Variants in RAB11FIP4 observed in about 807,000 individuals in gnomAD.
RAB11FIP4 encodes the protein rab11 family-interacting protein 4.
Under a neutral mutation model 74.3 loss-of-function variants are expected in RAB11FIP4, and 23 were observed. The observed-to-expected ratio is 0.31, with a 90% CI of 0.22 to 0.44. The LOEUF (loss-of-function observed/expected upper bound fraction) is 0.44, where lower values mean the gene tolerates loss of function less well. Among genes scored for constraint, RAB11FIP4 ranks in the 20% least tolerant of loss-of-function variants. The pLI, the probability that RAB11FIP4 is intolerant of heterozygous loss-of-function variation, is 1.00. For missense variants in RAB11FIP4, 630 were observed against 863.9 expected (o/e 0.73, Z 3.39); for synonymous variants, 360 against 359.9 (o/e 1.00, Z 0.00).
At chr17:31,432,414 A>G (rs929350857) in intron 2 of RAB11FIP4, among the ~76,000 whole-genome samples, 8 of 149,176 alleles carry the variant, frequency 5.4e-5, no homozygotes, top group Admixed American at 4.7e-4. Context: ...ACTGGAGTGC[A>G]GTGCCACTAT....
Position 31,521,941 on chromosome 17 carries a change from G to A in RAB11FIP4, c.785G>A (p.Arg262Gln), listed in dbSNP as rs752964517. ...SSAGQTPRKM[R>Q]HVYNSELLDV... is the part of the protein sequence containing the mutation. ...GCGGGGCAGACGCCTAGGAAAATGC[G>A]GCACGTGTACAACAGCGAATTGCTA... Residue 262 changes from arginine to glutamine, a missense_variant, in exon 6 of 15, where the codon CGG (arginine) becomes CAG (glutamine). Transcript: ENST00000621161. 3.7e-5 allele frequency: 60 copies of A among 1,614,056 alleles called. 1 individual carries two copies. In the Admixed American group the frequency reaches 6.3e-4, roughly 17 times the overall value.
chr17:31,472,436 C>T (rs1410024302), intron 3 of RAB11FIP4, among the ~76,000 whole-genome samples: 1 of 152,210 alleles, frequency 6.6e-6, no homozygotes, highest in Non-Finnish European at 1.5e-5. Context: ...CATTCAGAGA[C>T]ACGGCCACAG....
In RAB11FIP4 at chr17:31,521,918, G is replaced by A. The variant is rs374177001; in HGVS notation, c.762G>A (p.Ala254=). ...SDLGSSVSSS[A]GQTPRKMRHV... The stretch of plus-strand genomic sequence containing the variant: ...ATTCCTTTCCCTCATGAATCAGTGC[G>A]GGGCAGACGCCTAGGAAAATGCGGC... Residue 254 remains alanine, a synonymous_variant, in exon 6 of 15, where the codon GCG becomes GCA. Coordinates refer to ENST00000621161, the MANE Select transcript of RAB11FIP4 (RefSeq NM_032932.6). The A allele has an allele frequency of 8.5e-5, 138 of 1,614,156 alleles. No homozygotes were observed. Among genetic ancestry groups the A allele is most frequent in the Middle Eastern group, 4.9e-4 (3 of 6,062 alleles).
At chr17:31,439,587 A>G (rs1447683366) in intron 3 of RAB11FIP4, among the ~76,000 whole-genome samples, 5 of 152,108 alleles carry the variant, frequency 3.3e-5, no homozygotes, top group African/African-American at 1.2e-4. Flanking sequence ...TTATTGATTT[A>G]TAAGAAATCT....
chr17:31,443,280 T>G (rs1050880011), intron 3 of RAB11FIP4, among the ~76,000 whole-genome samples: 2 of 152,238 alleles, frequency 1.3e-5, no homozygotes, highest in African/African-American at 4.8e-5. Flanking sequence ...TATAACTTTT[T>G]GACATACATT....
chr17:31,449,855 G>A (rs1597923629), intron 3 of RAB11FIP4, among the ~76,000 whole-genome samples: 1 of 152,178 alleles, frequency 6.6e-6, no homozygotes, highest in Admixed American at 6.5e-5. Context: ...GCAGGCATGA[G>A]CCACCTTGCC....
chr17:31,392,277 A>G (rs112959721), intron 1 of RAB11FIP4: 7,184 of 301,544 alleles, frequency 0.024, 547 homozygotes, highest in African/African-American at 0.14. Context: ...TTCCTCGGCC[A>G]TGCAGGTCCT....
chr17:31,523,315 G>A, intron 7 of RAB11FIP4, 197 bp from the exon 8 acceptor site: 1 of 628,604 alleles, frequency 1.6e-6, no homozygotes, highest in Non-Finnish European at 2.9e-6. Flanking sequence ...CCGGGGGTCT[G>A]TACAGCCCAT....
intron 3 of RAB11FIP4, among the ~76,000 whole-genome samples, chr17:31,441,601 C>T (rs1178590348): frequency 6.6e-6 from 1 of 151,248 alleles, no homozygotes; most frequent in African/African-American, 2.4e-5. Flanking sequence ...GATCTCGGCT[C>T]ACTGCAATCT....
intron 1 of RAB11FIP4, among the ~76,000 whole-genome samples, chr17:31,403,422 C>G (rs1368134069): frequency 6.6e-6 from 1 of 151,586 alleles, no homozygotes; most frequent in Non-Finnish European, 1.5e-5. Flanking sequence ...TCCCAGGTTC[C>G]AGCAATTCTC....
At chr17:31,499,898 G>T (rs936717102) in intron 3 of RAB11FIP4, among the ~76,000 whole-genome samples, 2 of 152,154 alleles carry the variant, frequency 1.3e-5, no homozygotes, top group Admixed American at 6.5e-5. Flanking sequence ...CTTTGAGCTG[G>T]CATGCCTGGA....
intron 3 of RAB11FIP4, among the ~76,000 whole-genome samples, chr17:31,445,810 T>C (rs6505245): frequency 1 from 149,985 of 150,180 alleles, 74,897 homozygotes; most frequent in Middle Eastern, 1. Flanking sequence ...AGGCTGGTCT[T>C]GAACTCCTGA....
intron 3 of RAB11FIP4, among the ~76,000 whole-genome samples, chr17:31,510,380 C>T (rs2072430111): frequency 6.6e-6 from 1 of 152,254 alleles, no homozygotes. Flanking sequence ...TGCACACCTT[C>T]CCAGCGGCAG....
chr17:31,488,147 G>T, intron 3 of RAB11FIP4: 2 of 1,053,242 alleles, frequency 1.9e-6, no homozygotes, highest in Non-Finnish European at 2.3e-6. Flanking sequence ...GCGCGGCCGC[G>T]ATTGTTCCTG....
intron 1 of RAB11FIP4, among the ~76,000 whole-genome samples, chr17:31,429,866 T>G (rs1390796922): frequency 6.6e-6 from 1 of 150,432 alleles, no homozygotes; most frequent in Non-Finnish European, 1.5e-5. Flanking sequence ...CTTCCTCCAC[T>G]TGCCTCCTGG....
At position 31,486,646 on chromosome 17, in the gene RAB11FIP4, C is replaced by G. The variant is rs183960639; in HGVS notation, c.337-31005C>G. On this transcript the variant is annotated intron_variant, in intron 3 of 14. Coordinates refer to ENST00000621161, the MANE Select transcript of RAB11FIP4 (RefSeq NM_032932.6). Reference sequence around the variant, plus strand: ...TAGAGACTGTGGGAGCGGACCCAAACAAGAGAAACAGTCTGGCCTCTGCAC... The same window carrying G: ...TAGAGACTGTGGGAGCGGACCCAAAGAAGAGAAACAGTCTGGCCTCTGCAC... Among the ~76,000 whole-genome samples the G allele has an allele frequency of 1.2e-3, 183 of 152,306 alleles. 1 individual carries two copies. In the Middle Eastern group the frequency reaches 0.017, roughly 14 times the overall value.
At chr17:31,433,103 G>A (rs1361807794) in intron 2 of RAB11FIP4, among the ~76,000 whole-genome samples, 5 of 152,136 alleles carry the variant, frequency 3.3e-5, no homozygotes, top group Non-Finnish European at 7.4e-5. Flanking sequence ...CTGAGGTCAC[G>A]CCACTGCACT....
intron 3 of RAB11FIP4, among the ~76,000 whole-genome samples, chr17:31,442,068 G>A (rs1316076686): frequency 2.0e-5 from 3 of 150,742 alleles, no homozygotes; most frequent in South Asian, 2.1e-4. Context: ...GTGCAATCTC[G>A]GCTCACCGCA....
At chr17:31,414,937 G>A (rs1251015319) in intron 1 of RAB11FIP4, among the ~76,000 whole-genome samples, 1 of 152,202 alleles carries the variant, frequency 6.6e-6, no homozygotes, top group Non-Finnish European at 1.5e-5. Context: ...GTTCCTCAGG[G>A]GCTCAGAGGC....
Sources: allele counts gnomAD v4.1 joint callset (sites outside exome capture counted in the v4.1 genomes callset), GRCh38; gene constraint gnomAD v4.1.1; transcripts MANE v1.5; gene names NCBI Gene and HGNC (gene_info 2026-07-23, HGNC 2026-07-21).